LUZP2: variants seen among roughly 807,000 people sequenced by gnomAD.
LUZP2 encodes the protein leucine zipper protein 2.
Under a neutral mutation model 51.6 loss-of-function variants are expected in LUZP2, and 52 were observed. The ratio of observed to expected loss-of-function variants is 1.01; its 90% confidence interval spans 0.81 to 1.27. The LOEUF is 1.27. Among genes scored for constraint, LUZP2 ranks in the 50% most tolerant of loss-of-function variants. The pLI, the probability that LUZP2 is intolerant of heterozygous loss-of-function variation, is 0.00. For missense variants in LUZP2, 436 were observed against 395.4 expected, an observed-to-expected ratio of 1.10 and a Z score of -0.87; for synonymous variants, 154 against 137.3, an observed-to-expected ratio of 1.12 and a Z score of -0.85.
intron 5 of LUZP2, among the ~76,000 whole-genome samples, chr11:24,829,646 G>T (rs1478433640): frequency 6.6e-6 from 1 of 152,064 alleles, no homozygotes; most frequent in Non-Finnish European, 1.5e-5. Flanking sequence ...GGAATAAATG[G>T]GTATCTATCA....
At chr11:25,070,811 G>GTGTT (rs1206519073) in intron 10 of LUZP2, among the ~76,000 whole-genome samples, 1 of 135,154 alleles carries the variant, frequency 7.4e-6, no homozygotes, top group Admixed American at 7.8e-5. Flanking sequence ...GTGTGTGTGT[G>GTGTT]TGTGTTACTG....
intron 7 of LUZP2, among the ~76,000 whole-genome samples, chr11:24,928,375 G>A (rs551554885): frequency 6.6e-6 from 1 of 152,006 alleles, no homozygotes; most frequent in African/African-American, 2.4e-5. Context: ...CCTCATAGAT[G>A]GCTTTTATTA....
At chr11:24,739,052 C>T (rs1172066234) in intron 4 of LUZP2, among the ~76,000 whole-genome samples, 1 of 152,028 alleles carries the variant, frequency 6.6e-6, no homozygotes, top group Non-Finnish European at 1.5e-5. Flanking sequence ...GTCAACAGAT[C>T]AGGAAAGACT....
intron 5 of LUZP2, among the ~76,000 whole-genome samples, chr11:24,819,657 G>C (rs1850298148): frequency 6.6e-6 from 1 of 152,010 alleles, no homozygotes; most frequent in Non-Finnish European, 1.5e-5. Context: ...ATGGTACATA[G>C]TGTGATTCCA....
At chr11:24,911,447 T>C (rs1173616111) in intron 6 of LUZP2, among the ~76,000 whole-genome samples, 2 of 152,174 alleles carry the variant, frequency 1.3e-5, no homozygotes, top group Non-Finnish European at 2.9e-5. Flanking sequence ...GGTAATTGAA[T>C]TTTGGAGGCA....
At chr11:24,873,292 T>A (rs1253020377) in intron 5 of LUZP2, among the ~76,000 whole-genome samples, 1 of 152,194 alleles carries the variant, frequency 6.6e-6, no homozygotes, top group Non-Finnish European at 1.5e-5. Flanking sequence ...GAATTCCTTA[T>A]GTAGTAAATA....
At chr11:24,847,323 G>T (rs558236542) in intron 5 of LUZP2, among the ~76,000 whole-genome samples, 2 of 151,986 alleles carry the variant, frequency 1.3e-5, no homozygotes, top group African/African-American at 4.8e-5. Flanking sequence ...TAGTTGGCAT[G>T]TCTCTTTAGT....
At chr11:24,585,188 A>G (rs1853020376) in intron 1 of LUZP2, among the ~76,000 whole-genome samples, 1 of 152,046 alleles carries the variant, frequency 6.6e-6, no homozygotes, top group South Asian at 2.1e-4. Context: ...AAATGGAGAA[A>G]ATATGTGCCT....
At chr11:24,595,403 G>A (rs772193541) in intron 1 of LUZP2, among the ~76,000 whole-genome samples, 2 of 152,096 alleles carry the variant, frequency 1.3e-5, no homozygotes, top group Non-Finnish European at 2.9e-5. Flanking sequence ...AGCTTTTCTA[G>A]GTTAGCGGTT....
At chr11:25,032,514 A>G (rs7932179) in intron 9 of LUZP2, among the ~76,000 whole-genome samples, 86,818 of 151,928 alleles carry the variant, frequency 0.57, 26,102 homozygotes, top group African/African-American at 0.75. Context: ...TTTTACTCTG[A>G]TACTCCCTCA....
chr11:24,675,473 C>T (rs1856513045), intron 1 of LUZP2, among the ~76,000 whole-genome samples: 1 of 152,094 alleles, frequency 6.6e-6, no homozygotes, highest in Non-Finnish European at 1.5e-5. Flanking sequence ...TTTGTAAGTG[C>T]AGAACTGCTC....
At chr11:24,957,110 T>A (rs759698783) in intron 7 of LUZP2, among the ~76,000 whole-genome samples, 2 of 152,154 alleles carry the variant, frequency 1.3e-5, no homozygotes, top group African/African-American at 2.4e-5. Flanking sequence ...TGTTGTCTTG[T>A]TCAACTTGGC....
In LUZP2 at chr11:24,824,366, CAAAAAAA is replaced by C. The variant is rs3078050; in HGVS notation, c.396+61079_396+61085del. On this transcript the variant is annotated intron_variant, in intron 5 of 11. Coordinates refer to ENST00000336930, the MANE Select transcript of LUZP2 (RefSeq NM_001009909.4). ...GAGCAAGAAGAGCAAAACCCCATCT[CAAAAAAA>C]AAAAAAAAAAAAAAAAAAAATGAGT... is the stretch of plus-strand genomic sequence containing the variant. Among the ~76,000 whole-genome samples the C allele has an allele frequency of 4.7e-4, 13 of 27,578 alleles. 1 individual carries two copies. The highest frequency in any genetic ancestry group is 2.2e-3 in the Admixed American group (3 of 1,380). 18.1% of individuals were successfully genotyped at this position (27,578 alleles called of 152,430 possible).
intron 1 of LUZP2, among the ~76,000 whole-genome samples, chr11:24,713,780 T>A (rs963258986): frequency 1.3e-5 from 2 of 149,124 alleles, no homozygotes; most frequent in African/African-American, 4.9e-5. Context: ...CCTCTGTCTC[T>A]TGGGTTCAAG....
At chr11:24,637,389 C>A (rs72880673) in intron 1 of LUZP2, among the ~76,000 whole-genome samples, 2 of 151,672 alleles carry the variant, frequency 1.3e-5, no homozygotes, top group Non-Finnish European at 2.9e-5. Context: ...GTTGGTAAAA[C>A]GTGTATTTGA....
chr11:24,530,567 G>T (rs1377434791), intron 1 of LUZP2, among the ~76,000 whole-genome samples: 1 of 150,720 alleles, frequency 6.6e-6, no homozygotes, highest in East Asian at 1.9e-4. Flanking sequence ...ACAAGAATCT[G>T]CATTTGATCT....
intron 7 of LUZP2, among the ~76,000 whole-genome samples, chr11:24,973,156 T>A (rs1565177669): frequency 1.3e-5 from 2 of 151,206 alleles, no homozygotes; most frequent in Non-Finnish European, 1.5e-5. Context: ...AGTTTCTTCC[T>A]GGTTCAGTCT....
chr11:24,504,308 G>A (rs1188377330), intron 1 of LUZP2, among the ~76,000 whole-genome samples: 2 of 152,054 alleles, frequency 1.3e-5, no homozygotes, highest in African/African-American at 4.8e-5. Context: ...TTCATACCTG[G>A]CTTTAATATA....
intron 5 of LUZP2, among the ~76,000 whole-genome samples, 160 bp from the exon 6 acceptor site, chr11:24,905,831 T>A (rs1853435018): frequency 6.6e-6 from 1 of 152,230 alleles, no homozygotes. Flanking sequence ...AAACAATCTT[T>A]TACTTTACAG....
Sources: gnomAD v4.1 joint callset for allele counts (sites outside exome capture counted in the v4.1 genomes callset) on GRCh38, gnomAD v4.1.1 for gene constraint, MANE v1.5 for transcripts, NCBI Gene and HGNC (gene_info 2026-07-23, HGNC 2026-07-21) for gene names.